The following SDK1 variants were observed in gnomAD, a reference collection of about 807,000 sequenced individuals.
SDK1 encodes sidekick cell adhesion molecule 1.
In SDK1, 157 loss-of-function variants were observed where a neutral mutation model predicts 245.5. The ratio of observed to expected loss-of-function variants is 0.64; its 90% CI spans 0.56 to 0.73. SDK1 has a LOEUF of 0.73. Ranked by LOEUF, SDK1 falls within the 30% of genes least tolerant of loss-of-function variation. The pLI is 0.00. For missense variants in SDK1, 3,583 were observed against 3,002.3 expected (o/e 1.19, Z -4.52); for synonymous variants, 1,647 against 1,278.5 (o/e 1.29, Z -6.15).
chr7:3,522,614 G>A (rs1316052766), intron 1 of SDK1, among the ~76,000 whole-genome samples: 2 of 152,002 alleles, frequency 1.3e-5, no homozygotes, highest in Non-Finnish European at 2.9e-5. Context: ...TGATGATTGG[G>A]ACCACCTGGG....
chr7:3,743,490 G>C (rs1779532908), intron 4 of SDK1, among the ~76,000 whole-genome samples: 1 of 152,160 alleles, frequency 6.6e-6, no homozygotes, highest in Non-Finnish European at 1.5e-5. Flanking sequence ...AGGAGGGCAA[G>C]CAGCCCCTGA....
intron 1 of SDK1, among the ~76,000 whole-genome samples, chr7:3,352,350 G>C (rs1183394536): frequency 6.6e-6 from 1 of 152,038 alleles, no homozygotes; most frequent in Non-Finnish European, 1.5e-5. Flanking sequence ...TAGTGATCAT[G>C]TATGTGGGAT....
intron 1 of SDK1, among the ~76,000 whole-genome samples, chr7:3,366,237 A>G (rs1032292530): frequency 9.2e-5 from 14 of 152,190 alleles, no homozygotes; most frequent in South Asian, 4.1e-4. Context: ...CATTCTTCCC[A>G]GTATCACCCT....
intron 1 of SDK1, among the ~76,000 whole-genome samples, chr7:3,558,796 C>G (rs1207261337): frequency 1.3e-5 from 2 of 152,184 alleles, no homozygotes; most frequent in African/African-American, 4.8e-5. Context: ...TTCTCCTCTG[C>G]TAATGACAAG....
chr7:3,535,311 A>T (rs772514242), intron 1 of SDK1, among the ~76,000 whole-genome samples: 1 of 152,124 alleles, frequency 6.6e-6, no homozygotes, highest in Non-Finnish European at 1.5e-5. Flanking sequence ...GGCTATAAAG[A>T]GTCCCTTTGT....
chr7:4,251,618 C>T (rs925290712), intron 44 of SDK1, among the ~76,000 whole-genome samples: 46 of 152,196 alleles, frequency 3.0e-4, no homozygotes, highest in Non-Finnish European at 1.2e-4. Context: ...CTCCAGACTC[C>T]AGAAAGAAAG....
chr7:3,665,414 C>G (rs1048192909), intron 4 of SDK1, among the ~76,000 whole-genome samples: 1 of 152,130 alleles, frequency 6.6e-6, no homozygotes, highest in Non-Finnish European at 1.5e-5. Context: ...GCTCTAGCCT[C>G]TGCTGCCTTA....
chr7:3,796,742 A>T (rs1339572169), intron 4 of SDK1, among the ~76,000 whole-genome samples: 1 of 152,192 alleles, frequency 6.6e-6, no homozygotes, highest in Admixed American at 6.5e-5. Context: ...TATTTTTCAA[A>T]TATGCAGTAT....
At chr7:3,861,938 C>T (rs1247797338) in intron 5 of SDK1, among the ~76,000 whole-genome samples, 1 of 152,174 alleles carries the variant, frequency 6.6e-6, no homozygotes, top group African/African-American at 2.4e-5. Flanking sequence ...AGCTCCTACA[C>T]AAAAACCTGC....
Position 3,301,615 on chromosome 7 carries a change from C to T in SDK1, c.29C>T (p.Ala10Val). 1.0e-6 allele frequency: 1 copy of T among 974,728 alleles called. No homozygotes were observed. 60.4% of individuals were successfully genotyped at this position (974,728 alleles called of 1,614,324 possible). Reference protein sequence around the residue: MARGARPSAAGGGGGGAEPP... With the variant: MARGARPSAVGGGGGGAEPP... ...GCCCGGGGCGCCCGGCCCTCGGCGG[C>T]CGGTGGCGGCGGCGGCGGCGCGGAG... is the stretch of plus-strand genomic sequence containing the variant. The change falls in exon 1 of 45, where the codon GCC (alanine) becomes GTC (valine). Residue 10 changes from alanine (A) to valine (V), a missense_variant. Coordinates refer to ENST00000404826, the MANE Select transcript of SDK1 (RefSeq NM_152744.4).
intron 1 of SDK1, among the ~76,000 whole-genome samples, chr7:3,307,127 T>TCG (rs1779435781): frequency 6.6e-6 from 1 of 152,192 alleles, no homozygotes; most frequent in Non-Finnish European, 1.5e-5. Context: ...CAATTATACA[T>TCG]TTAACCCAAA....
chr7:3,471,581 C>T (rs530386762), intron 1 of SDK1, among the ~76,000 whole-genome samples: 9 of 152,214 alleles, frequency 5.9e-5, no homozygotes, highest in East Asian at 3.9e-4. Context: ...TTCAATTTTG[C>T]GTATTTACAC....
chr7:4,016,769 T>A (rs1786433108), intron 16 of SDK1, among the ~76,000 whole-genome samples: 1 of 152,214 alleles, frequency 6.6e-6, no homozygotes, highest in Non-Finnish European at 1.5e-5. Flanking sequence ...GGCCGTGTGC[T>A]GCTTGCTTCT....
In SDK1 at chr7:3,716,771, GA is replaced by G. The variant is rs534296974; in HGVS notation, c.713+74678del. Among the ~76,000 whole-genome samples, 675 of 110,736 alleles carry G rather than the reference GA, an allele frequency of 6.1e-3. 2 individuals carry two copies. The highest frequency in any genetic ancestry group is 0.018 in the African/African-American group (554 of 30,714). 72.6% of individuals were successfully genotyped at this position (110,736 alleles called of 152,430 possible). A position where few individuals can be genotyped will look rare whatever the true frequency, so the allele number is the denominator to read the frequency against. The stretch of plus-strand genomic sequence containing the variant: ...GAGACCCTGTCTCACCAAAAAAAAA[GA>G]AAAAAAAAAAAGAAAAAGGAAAAAT... On this transcript the variant is annotated intron_variant, in intron 4 of 44. Transcript: ENST00000404826.
intron 14 of SDK1, among the ~76,000 whole-genome samples, chr7:3,993,608 A>C (rs1784505088): frequency 6.6e-6 from 1 of 152,188 alleles, no homozygotes. Context: ...GAAATCCCTT[A>C]AAGCACAAAG....
intron 28 of SDK1, among the ~76,000 whole-genome samples, chr7:4,138,407 G>A (rs1430981085): frequency 6.6e-6 from 1 of 152,146 alleles, no homozygotes; most frequent in East Asian, 1.9e-4. Flanking sequence ...AACTCATACT[G>A]AGTGTGGAAA....
chr7:4,112,911 GCCTGGCT>G (rs1403484901), intron 23 of SDK1, among the ~76,000 whole-genome samples: 2 of 151,890 alleles, frequency 1.3e-5, no homozygotes, highest in Non-Finnish European at 2.9e-5. Context: ...CCGCCACCAC[GCCTGGCT>G]AATTTTTGTA....
rs73673206 is a variant in SDK1, at chr7:3,979,226, C to T, written c.1994+4681C>T. Among the ~76,000 whole-genome samples, 799 of 152,238 alleles carry T rather than the reference C, an allele frequency of 5.2e-3. 6 individuals carry two copies. The highest frequency in any genetic ancestry group is 0.018 in the African/African-American group (738 of 41,540). On this transcript the variant is annotated intron_variant, in intron 13 of 44. Transcript: ENST00000404826. The stretch of plus-strand genomic sequence containing the variant: ...TCATCTCAAAGGACGGCTGTGAGGG[C>T]GGCACCCACCCGGGTTTGTAAGATC...
intron 31 of SDK1, among the ~76,000 whole-genome samples, chr7:4,160,232 A>T (rs1781025562): frequency 1.3e-5 from 2 of 152,234 alleles, no homozygotes; most frequent in Admixed American, 1.3e-4. Context: ...TAATGTTTGC[A>T]ACTAAGCACT....
Sources: gnomAD v4.1 joint callset for allele counts (sites outside exome capture counted in the v4.1 genomes callset) on GRCh38, gnomAD v4.1.1 for gene constraint, MANE v1.5 for transcripts, NCBI Gene and HGNC (gene_info 2026-07-23, HGNC 2026-07-21) for gene names.